The following B4GALT5 variants were observed in gnomAD, a reference collection of about 807,000 sequenced individuals.
The protein encoded by B4GALT5 is beta-1,4-galactosyltransferase 5.
Under a neutral mutation model 45.0 loss-of-function variants are expected in B4GALT5, and 11 were observed. The ratio of observed to expected loss-of-function variants is 0.24; its 90% confidence interval spans 0.15 to 0.40. The LOEUF (loss-of-function observed/expected upper bound fraction) is 0.40, where lower values mean the gene tolerates loss of function less well. B4GALT5 is among the 10% of genes least tolerant of loss of function. The pLI is 1.00. For missense variants in B4GALT5, 337 were observed against 500.2 expected (o/e 0.67, Z 3.11); for synonymous variants, 185 against 182.9 (o/e 1.01, Z -0.09).
chr20:49,701,411 C>T (rs1367242619), intron 1 of B4GALT5, among the ~76,000 whole-genome samples: 2 of 152,056 alleles, frequency 1.3e-5, no homozygotes, highest in African/African-American at 2.4e-5. Context: ...AGCTTTTACA[C>T]GTTAGATTTT....
Position 49,642,495 on chromosome 20 carries a change from C to T in B4GALT5, c.579G>A (p.Leu193=). 3 of 1,613,934 alleles carry T rather than the reference C, an allele frequency of 1.9e-6. No individual in the cohort carries two copies. Among genetic ancestry groups the T allele is most frequent in the Non-Finnish European group, 2.5e-6 (3 of 1,179,894 alleles). ...HLLPMLQRQR[L]QFAFYVVEQV... The stretch of plus-strand genomic sequence containing the variant: ...GTTCAACCACATAAAATGCAAACTG[C>T]AAGCGCTGGCGCTGGAGCATGGGAA... Residue 193 remains leucine, a synonymous_variant, in exon 5 of 9, where the codon TTG becomes TTA. Coordinates refer to ENST00000371711, the MANE Select transcript of B4GALT5 (RefSeq NM_004776.4).
intron 1 of B4GALT5, chr20:49,684,573 AG>A (rs1568729573): frequency 9.7e-6 from 5 of 518,092 alleles, no homozygotes; most frequent in South Asian, 7.0e-5. Flanking sequence ...AAGAAAAAAA[AG>A]TTGGTCCCTG....
chr20:49,637,301 T>G, intron 8 of B4GALT5, 40 bp downstream of exon 8: 1 of 1,532,966 alleles, frequency 6.5e-7, no homozygotes, highest in Non-Finnish European at 9.0e-7. Flanking sequence ...CATGAAAGTA[T>G]AGGGGATACT....
At chr20:49,713,284 G>A (rs2146366754) in intron 1 of B4GALT5, among the ~76,000 whole-genome samples, 1 of 152,064 alleles carries the variant, frequency 6.6e-6, no homozygotes, top group South Asian at 2.1e-4. Flanking sequence ...GAGCGGGAAG[G>A]GGGTTCCGGA....
intron 1 of B4GALT5, among the ~76,000 whole-genome samples, chr20:49,676,042 AC>A (rs1305892529): frequency 7.1e-6 from 1 of 140,680 alleles, no homozygotes; most frequent in Non-Finnish European, 1.5e-5. Context: ...CCCCAACCCA[AC>A]CCCCCCAGAC....
At chr20:49,636,555 C>A (rs1453750605) in intron 8 of B4GALT5, 96 bp from the exon 9 acceptor site, 19 of 1,372,140 alleles carry the variant, frequency 1.4e-5, no homozygotes, top group Middle Eastern at 2.0e-4. Flanking sequence ...GCAGAGGACG[C>A]AACCCATGGC....
chr20:49,678,402 A>C (rs913581795), intron 1 of B4GALT5, among the ~76,000 whole-genome samples: 1 of 152,224 alleles, frequency 6.6e-6, no homozygotes, highest in African/African-American at 2.4e-5. Context: ...CTGGACAAGA[A>C]TGCAGGCCCT....
At chr20:49,688,093 C>A (rs1238827529) in intron 1 of B4GALT5, among the ~76,000 whole-genome samples, 1 of 152,130 alleles carries the variant, frequency 6.6e-6, no homozygotes, top group Non-Finnish European at 1.5e-5. Context: ...ACCAGAGCCA[C>A]TATTCACAGG....
chr20:49,694,010 C>T (rs1239929610), intron 1 of B4GALT5, among the ~76,000 whole-genome samples: 1 of 152,114 alleles, frequency 6.6e-6, no homozygotes, highest in Non-Finnish European at 1.5e-5. Flanking sequence ...TAATTAGCCA[C>T]CTCATTAGAT....
chr20:49,691,072 A>T (rs1426940757), intron 1 of B4GALT5, among the ~76,000 whole-genome samples: 1 of 152,200 alleles, frequency 6.6e-6, no homozygotes, highest in African/African-American at 2.4e-5. Flanking sequence ...AAGAGTGGTA[A>T]ATGATCAACC....
intron 8 of B4GALT5, among the ~76,000 whole-genome samples, chr20:49,636,874 T>C (rs1227956785): frequency 2.7e-5 from 4 of 150,934 alleles, no homozygotes; most frequent in Admixed American, 2.6e-4. Context: ...GAATTGGTTG[T>C]CTAGAGCACA....
At chr20:49,706,819 T>C (rs1404803402) in intron 1 of B4GALT5, among the ~76,000 whole-genome samples, 1 of 152,234 alleles carries the variant, frequency 6.6e-6, no homozygotes, top group African/African-American at 2.4e-5. Flanking sequence ...ATTGCTCACT[T>C]CTTACGTGCT....
At chr20:49,692,723 T>G (rs2085819865) in intron 1 of B4GALT5, among the ~76,000 whole-genome samples, 1 of 152,228 alleles carries the variant, frequency 6.6e-6, no homozygotes, top group South Asian at 2.1e-4. Context: ...ACTGAAAACC[T>G]GTCACACTGC....
chr20:49,709,943 G>A (rs554682189), intron 1 of B4GALT5, among the ~76,000 whole-genome samples: 23 of 152,182 alleles, frequency 1.5e-4, no homozygotes, highest in Non-Finnish European at 2.6e-4. Context: ...CCCATTTCAC[G>A]GATGACTCTC....
intron 1 of B4GALT5, among the ~76,000 whole-genome samples, chr20:49,686,728 CAAAAAAAAA>C (rs59766440): frequency 1.7e-5 from 1 of 59,454 alleles, no homozygotes; most frequent in South Asian, 7.4e-4. Context: ...TGTCTCTGCC[CAAAAAAAAA>C]AAAAAAAAAA....
intron 1 of B4GALT5, among the ~76,000 whole-genome samples, chr20:49,661,604 T>TA (rs985412725): frequency 1.5e-4 from 23 of 151,900 alleles, no homozygotes; most frequent in South Asian, 4.2e-4. Flanking sequence ...GAATCACAGT[T>TA]AAAAAAAACA....
rs951888088 is a variant in B4GALT5 at position 49,633,154 on chromosome 20, T to C, written c.*3158A>G. 1 of 152,606 alleles carries C rather than the reference T, an allele frequency of 6.6e-6. No individual in the cohort carries two copies. Among genetic ancestry groups the C allele is most frequent in the Non-Finnish European group, 1.5e-5 (1 of 68,034 alleles). The allele number at this position is 152,606 out of a possible 1,614,324, so 9.5% of individuals were successfully genotyped here. On this transcript the variant is annotated 3_prime_UTR_variant, in exon 9 of 9. Transcript: ENST00000371711. ...GCTCAAAAACACGTAGTGATGGAAATAAGCTAGCTACGCTCAATGCCATCG... is the reference window on the plus strand; with the variant it reads ...GCTCAAAAACACGTAGTGATGGAAACAAGCTAGCTACGCTCAATGCCATCG...
intron 1 of B4GALT5, among the ~76,000 whole-genome samples, chr20:49,678,603 G>A (rs1315376096): frequency 1.3e-5 from 2 of 152,178 alleles, no homozygotes; most frequent in Non-Finnish European, 2.9e-5. Context: ...CTGAGCCCTG[G>A]AAGCCATCCA....
intron 1 of B4GALT5, among the ~76,000 whole-genome samples, chr20:49,710,553 G>A (rs954010085): frequency 6.6e-6 from 1 of 151,744 alleles, no homozygotes; most frequent in African/African-American, 2.4e-5. Context: ...CTGAGTAGCT[G>A]GGATTACAGG....
Sources: allele counts gnomAD v4.1 joint callset (sites outside exome capture counted in the v4.1 genomes callset), GRCh38; gene constraint gnomAD v4.1.1; transcripts MANE v1.5; gene names NCBI Gene and HGNC (gene_info 2026-07-23, HGNC 2026-07-21).